The following HAPLN1 variants were observed in gnomAD, a reference collection of about 807,000 sequenced individuals.
HAPLN1 encodes Cartilage link protein.
A neutral mutation model predicts 36.5 loss-of-function variants in HAPLN1; 13 were observed. That is an observed-to-expected ratio of 0.36 (90% CI 0.23 to 0.57). The LOEUF is 0.57. Among genes scored for constraint, HAPLN1 ranks in the 20% least tolerant of loss-of-function variants. The pLI, the probability that HAPLN1 is intolerant of heterozygous loss-of-function variation, is 0.83. For missense variants in HAPLN1, 407 were observed against 439.7 expected, an observed-to-expected ratio of 0.93 and a Z score of 0.66; for synonymous variants, 202 against 169.8, an observed-to-expected ratio of 1.19 and a Z score of -1.48.
intron 1 of HAPLN1, among the ~76,000 whole-genome samples, chr5:83,697,398 C>T (rs186272679): frequency 3.3e-5 from 5 of 152,228 alleles, no homozygotes; most frequent in Admixed American, 3.3e-4. Context: ...AATACTATTC[C>T]ATTCCACCTA....
At chr5:83,653,317 C>A (rs1750127602) in intron 2 of HAPLN1, among the ~76,000 whole-genome samples, 1 of 152,172 alleles carries the variant, frequency 6.6e-6, no homozygotes, top group African/African-American at 2.4e-5. Flanking sequence ...ACATGATTCA[C>A]TTTCATTGTA....
At chr5:83,682,080 T>C (rs1751018875) in intron 1 of HAPLN1, among the ~76,000 whole-genome samples, 1 of 152,212 alleles carries the variant, frequency 6.6e-6, no homozygotes. Context: ...CAAAACAATA[T>C]TTTAAGATTC....
chr5:83,709,794 T>A (rs888876835), intron 1 of HAPLN1, among the ~76,000 whole-genome samples: 3 of 152,200 alleles, frequency 2.0e-5, no homozygotes, highest in Non-Finnish European at 1.5e-5. Context: ...TGACTCTAGC[T>A]TCAGTGTGAG....
chr5:83,645,314 G>C lies in HAPLN1; in HGVS notation c.473-649C>G, dbSNP rs377104793. Reference sequence around the variant, plus strand: ...TTGCAGATAAGTAACCTTCACTTAGGGGGGACTCTTATTTGGAGAAATGTG... The same window carrying C: ...TTGCAGATAAGTAACCTTCACTTAGCGGGGACTCTTATTTGGAGAAATGTG... On this transcript the variant is annotated intron_variant, in intron 3 of 4. Coordinates refer to ENST00000274341, the MANE Select transcript of HAPLN1 (RefSeq NM_001884.4). Among the ~76,000 whole-genome samples the C allele has an allele frequency of 2.0e-4, 31 of 152,006 alleles. No individual in the cohort carries two copies. In the South Asian group the frequency reaches 4.4e-3, roughly 22 times the overall value.
chr5:83,713,606 A>G (rs1170331671), intron 1 of HAPLN1, among the ~76,000 whole-genome samples: 5 of 152,150 alleles, frequency 3.3e-5, no homozygotes, highest in African/African-American at 1.2e-4. Context: ...TCTCCCATGT[A>G]CTTAAGAAAT....
chr5:83,699,516 TTA>T (rs1751460751), intron 1 of HAPLN1, among the ~76,000 whole-genome samples: 1 of 152,182 alleles, frequency 6.6e-6, no homozygotes, highest in Admixed American at 6.5e-5. Context: ...ATGAATATAA[TTA>T]TGTTAAGATC....
chr5:83,647,221 T>C (rs1203334449), intron 3 of HAPLN1, among the ~76,000 whole-genome samples: 1 of 152,208 alleles, frequency 6.6e-6, no homozygotes, highest in Non-Finnish European at 1.5e-5. Flanking sequence ...TTCAACATAA[T>C]TTCATACAAT....
At chr5:83,655,545 T>TG (rs397732832) in intron 2 of HAPLN1, among the ~76,000 whole-genome samples, 1 of 151,662 alleles carries the variant, frequency 6.6e-6, no homozygotes, top group Admixed American at 6.6e-5. Flanking sequence ...TGTGTGTGTG[T>TG]TGAAGTAATA....
At chr5:83,708,613 T>G (rs1190160454) in intron 1 of HAPLN1, among the ~76,000 whole-genome samples, 1 of 152,156 alleles carries the variant, frequency 6.6e-6, no homozygotes, top group African/African-American at 2.4e-5. Context: ...TATTAGGTAC[T>G]AGACTTAGTA....
intron 2 of HAPLN1, among the ~76,000 whole-genome samples, chr5:83,655,250 G>A (rs1416243871): frequency 6.6e-6 from 1 of 152,166 alleles, no homozygotes; most frequent in Admixed American, 6.6e-5. Context: ...AAGGGTTAAG[G>A]CAAAGATCAA....
chr5:83,678,403 A>T (rs1442400304), intron 1 of HAPLN1, among the ~76,000 whole-genome samples: 1 of 152,222 alleles, frequency 6.6e-6, no homozygotes, highest in African/African-American at 2.4e-5. Flanking sequence ...CGAAAAATAT[A>T]TAATCAGAAA....
intron 1 of HAPLN1, among the ~76,000 whole-genome samples, chr5:83,701,144 G>A (rs1751499215): frequency 6.6e-6 from 1 of 152,184 alleles, no homozygotes; most frequent in Admixed American, 6.5e-5. Flanking sequence ...AATGTGACTT[G>A]AGAGCTAGAA....
intron 1 of HAPLN1, among the ~76,000 whole-genome samples, chr5:83,682,114 C>G (rs907453835): frequency 5.9e-5 from 9 of 152,162 alleles, no homozygotes; most frequent in Non-Finnish European, 5.9e-5. Flanking sequence ...TTTTAAATCT[C>G]TTTAAAAGTT....
intron 1 of HAPLN1, chr5:83,674,148 T>A (rs1181439149): frequency 6.6e-6 from 1 of 152,660 alleles, no homozygotes; most frequent in African/African-American, 2.4e-5. Context: ...TACATACTGC[T>A]TGGGTCTACG....
rs559509353 is a variant in HAPLN1, at chr5:83,672,044, C to G, written c.100+1380G>C. 2.6e-5 allele frequency among the ~76,000 whole-genome samples: 4 copies of G among 152,240 alleles called. No individual in the cohort carries two copies. The South Asian group carries it at 8.3e-4, about 32-fold the overall frequency. On this transcript the variant is annotated intron_variant, in intron 2 of 4. Coordinates refer to ENST00000274341, the MANE Select transcript of HAPLN1 (RefSeq NM_001884.4). ...AGGAGTAATTTTTCAAATGTTAGTA[C>G]ATTTTTAAAACACTATTCTCATACT...
At chr5:83,677,081 A>G (rs1246189871) in intron 1 of HAPLN1, among the ~76,000 whole-genome samples, 1 of 152,240 alleles carries the variant, frequency 6.6e-6, no homozygotes, top group Non-Finnish European at 1.5e-5. Context: ...CTACATTATC[A>G]TTATCATATT....
At chr5:83,679,433 C>A (rs778453513) in intron 1 of HAPLN1, among the ~76,000 whole-genome samples, 35 of 152,066 alleles carry the variant, frequency 2.3e-4, no homozygotes, top group Non-Finnish European at 7.4e-5. Flanking sequence ...TATTTCTATC[C>A]TGTTTTTCCC....
chr5:83,653,164 A>C (rs1457992766), intron 2 of HAPLN1, among the ~76,000 whole-genome samples: 3 of 152,190 alleles, frequency 2.0e-5, no homozygotes, highest in Admixed American at 2.0e-4. Flanking sequence ...AATATCAAAA[A>C]TATAGAAACA....
chr5:83,717,687 T>C (rs976547721), intron 1 of HAPLN1, among the ~76,000 whole-genome samples: 8 of 152,206 alleles, frequency 5.3e-5, no homozygotes, highest in African/African-American at 1.7e-4. Flanking sequence ...TCTTAATGCT[T>C]CCTTCAAGTG....
Sources: gnomAD v4.1 joint callset for allele counts (sites outside exome capture counted in the v4.1 genomes callset) on GRCh38, gnomAD v4.1.1 for gene constraint, MANE v1.5 for transcripts, NCBI Gene and HGNC (gene_info 2026-07-23, HGNC 2026-07-21) for gene names.